MAX: variants seen among roughly 807,000 people sequenced by gnomAD.
The protein encoded by MAX is MYC associated transcriptional regulator X.
In MAX, 3 loss-of-function variants were observed where a neutral mutation model predicts 22.3. That is an observed-to-expected ratio of 0.13 (90% confidence interval 0.06 to 0.35). The LOEUF (loss-of-function observed/expected upper bound fraction) is 0.35. Ranked by LOEUF, MAX falls within the 10% of genes least tolerant of loss-of-function variation. The pLI is 1.00. For missense variants in MAX, 119 were observed against 209.4 expected (o/e 0.57, Z 2.66); for synonymous variants, 72 against 77.7 (o/e 0.93, Z 0.39).
chr14:65,023,640 T>G lies in MAX; in HGVS notation c.172-17356A>C, dbSNP rs2061926836. Among the ~76,000 whole-genome samples the G allele has an allele frequency of 6.6e-6, 1 of 152,232 alleles. No homozygotes were observed. The highest frequency in any genetic ancestry group is 1.5e-5 in the Non-Finnish European group (1 of 68,044). On this transcript the variant is annotated intron_variant, in intron 3 of 3. Coordinates refer to the MAX transcript ENST00000341653. The surrounding 1 kb of genome is among the most constrained non-coding windows in gnomAD (Gnocchi z 4.1). ...AGTTAGTTGTGGAGTACTTGAAATGTGTCTTGTGTGACTGAAGAGCTGAAT... is the reference window on the plus strand; with the variant it reads ...AGTTAGTTGTGGAGTACTTGAAATGGGTCTTGTGTGACTGAAGAGCTGAAT...
chr14:65,060,123 G>A (rs561251898), intron 3 of MAX, among the ~76,000 whole-genome samples: 3 of 151,312 alleles, frequency 2.0e-5, no homozygotes, highest in Non-Finnish European at 2.9e-5. Context: ...ATGAGCCACC[G>A]CGTCCGGCCC....
chr14:65,084,915 G>C lies in MAX; in HGVS notation c.172-6879C>G, dbSNP rs2063289569. On this transcript the variant is annotated intron_variant, in intron 3 of 4. Transcript: ENST00000358664. The surrounding 1 kb of genome is among the most constrained non-coding windows in gnomAD (Gnocchi z 4.3). ...CTTTTGGGGAGAAAAAAAGGAGGCA[G>C]GTTTCTTTTCACATCCACTTTAAGA... Among the ~76,000 whole-genome samples, 1 of 152,056 alleles carries C rather than the reference G, an allele frequency of 6.6e-6. No homozygotes were observed. The highest frequency in any genetic ancestry group is 2.4e-5 in the African/African-American group (1 of 41,386).
At chr14:65,068,599 T>C (rs1234622513) in intron 3 of MAX, among the ~76,000 whole-genome samples, 3 of 152,244 alleles carry the variant, frequency 2.0e-5, no homozygotes, top group African/African-American at 7.2e-5. Context: ...GTTCCAATGC[T>C]ACATTATTTA....
At chr14:65,100,498 T>G (rs1006297308) in intron 2 of MAX, among the ~76,000 whole-genome samples, 10 of 152,160 alleles carry the variant, frequency 6.6e-5, no homozygotes, top group Non-Finnish European at 1.5e-4. Flanking sequence ...CTGGCAATAC[T>G]GACCCTTCAC....
rs773076374 is a variant in MAX at position 65,029,525 on chromosome 14, C to A, written c.172-23241G>T. ...TCCAGTGTATTGTAAAAAATCAAAT[C>A]ACAGTGAACTCATAGCAAGCACTAT... On this transcript the variant is annotated intron_variant, in intron 3 of 3. Transcript: ENST00000341653. The surrounding 1 kb of genome is among the most constrained non-coding windows in gnomAD (Gnocchi z 4.7). 3.3e-5 allele frequency among the ~76,000 whole-genome samples: 5 copies of A among 152,190 alleles called. No individual in the cohort carries two copies. Among genetic ancestry groups the A allele is most frequent in the Non-Finnish European group, 7.3e-5 (5 of 68,036 alleles).
At chr14:65,065,632 C>G (rs899094595) in intron 3 of MAX, among the ~76,000 whole-genome samples, 1 of 152,164 alleles carries the variant, frequency 6.6e-6, no homozygotes, top group Admixed American at 6.5e-5. Context: ...AGTAAAAATA[C>G]AGTATTATGA....
intron 3 of MAX, among the ~76,000 whole-genome samples, chr14:65,049,796 C>T (rs1023633731): frequency 6.6e-6 from 1 of 151,936 alleles, no homozygotes; most frequent in Non-Finnish European, 1.5e-5. Context: ...TAAATAATAG[C>T]TTTGTTGAGA....
intron 3 of MAX, among the ~76,000 whole-genome samples, chr14:65,059,245 A>G (rs2062808712): frequency 6.7e-6 from 1 of 149,592 alleles, no homozygotes; most frequent in Non-Finnish European, 1.5e-5. Flanking sequence ...CTGGTCTTGA[A>G]CTCTTGGCCT....
rs2061928413 is a variant in MAX at position 65,023,718 on chromosome 14, C to G, written c.172-17434G>C. Among the ~76,000 whole-genome samples, 1 of 152,024 alleles carries G rather than the reference C, an allele frequency of 6.6e-6. No homozygotes were observed. The highest frequency in any genetic ancestry group is 1.5e-5 in the Non-Finnish European group (1 of 67,970). ...AATTGCCTCATGTGGCTAGTGGCTG[C>G]CTATTGGACAGCACAGATGTATCTC... On this transcript the variant is annotated intron_variant, in intron 3 of 3. Transcript: ENST00000341653. This position sits in a 1 kb window ranked among gnomAD's most constrained non-coding sequence, Gnocchi z 4.1.
Position 65,089,770 on chromosome 14 carries a change from A to T in MAX, c.171+3938T>A, listed in dbSNP as rs1279788969. On this transcript the variant is annotated intron_variant, in intron 3 of 4. Transcript: ENST00000358664. ...TAGCATCTCTGTAAAAAAAAAAAAA[A>T]AAAAAAAAAAAAAAAAAAAAAAAAA... The T allele has an allele frequency of 2.2e-3, 99 of 45,752 alleles. 1 individual carries two copies. The highest frequency in any genetic ancestry group is 0.011 in the African/African-American group (90 of 7,842). 2.8% of individuals were successfully genotyped at this position (45,752 alleles called of 1,614,324 possible).
At position 65,031,810 on chromosome 14, in the gene MAX, A is replaced by G. The variant is rs1293495861; in HGVS notation, c.172-25526T>C. On this transcript the variant is annotated intron_variant, in intron 3 of 3. Transcript: ENST00000341653. The surrounding 1 kb of genome is among the most constrained non-coding windows in gnomAD (Gnocchi z 4.6). ...GTGGCATGCGCCTGTAATCCCAGCT[A>G]CTTGGGAGGCTGATACAGGAGAATT... Among the ~76,000 whole-genome samples, 1 of 152,074 alleles carries G rather than the reference A, an allele frequency of 6.6e-6. No individual in the cohort carries two copies. The highest frequency in any genetic ancestry group is 2.4e-5 in the African/African-American group (1 of 41,464).
rs533081728 is a variant in MAX, at chr14:65,028,467, G to A, written c.172-22183C>T. 6.6e-6 allele frequency among the ~76,000 whole-genome samples: 1 copy of A among 152,262 alleles called. No individual in the cohort carries two copies. The highest frequency in any genetic ancestry group is 6.5e-5 in the Admixed American group (1 of 15,290). ...TGCCATTTTCTTATTATTTAGTTGA[G>A]AAATACATTTTGTGAGGTTTCTATA... On this transcript the variant is annotated intron_variant, in intron 3 of 3. Coordinates refer to the MAX transcript ENST00000341653. The surrounding 1 kb of genome is among the most constrained non-coding windows in gnomAD (Gnocchi z 4.4).
chr14:65,077,304 T>G lies in MAX; in HGVS notation c.295+609A>C. 1.2e-5 allele frequency: 17 copies of G among 1,369,750 alleles called. No individual in the cohort carries two copies. The highest frequency in any genetic ancestry group is 1.8e-5 in the Non-Finnish European group (17 of 969,208). The allele number at this position is 1,369,750 out of a possible 1,614,324, so 84.8% of individuals were successfully genotyped here. On this transcript the variant is annotated intron_variant, in intron 4 of 4. Transcript: ENST00000358664. The surrounding 1 kb of genome is among the most constrained non-coding windows in gnomAD (Gnocchi z 6.3). ...GTCAACCCATTTAATTTATTTTATT[T>G]TATTTTATTTGAGGTTTTCTAACCC...
chr14:65,012,405 A>G lies in MAX; in HGVS notation c.172-6121T>C. ...TGCCTATGAGGTAAACACATTACCC[A>G]GGAACTCTTGCTGTCAAATTATCCA... On this transcript the variant is annotated intron_variant, in intron 3 of 3. Coordinates refer to the MAX transcript ENST00000341653. The surrounding 1 kb of genome is among the most constrained non-coding windows in gnomAD (Gnocchi z 5.0). The G allele has an allele frequency of 6.2e-7, 1 of 1,614,006 alleles. No individual in the cohort carries two copies. The highest frequency in any genetic ancestry group is 1.1e-5 in the South Asian group (1 of 91,076).
Position 65,018,900 on chromosome 14 carries a change from C to T in MAX, c.172-12616G>A, listed in dbSNP as rs182246621. On this transcript the variant is annotated intron_variant, in intron 3 of 3. Transcript: ENST00000341653. ...ACGAAGTGGGTGGATCACCTGAGGT[C>T]GGGAGTTTGAGACCAGCCTGGCCAA... 2.8e-3 allele frequency among the ~76,000 whole-genome samples: 421 copies of T among 151,638 alleles called. 3 individuals carry two copies. The highest frequency in any genetic ancestry group is 9.4e-3 in the African/African-American group (390 of 41,332).
chr14:65,041,024 G>T (rs1423832284), intron 3 of MAX: 3 of 1,521,020 alleles, frequency 2.0e-6, no homozygotes, highest in East Asian at 2.3e-5. Flanking sequence ...GAAGGGCTAA[G>T]AGAGTTAGCT....
At chr14:65,061,533 A>C in intron 3 of MAX, 1 of 655,126 alleles carries the variant, frequency 1.5e-6, no homozygotes, top group Non-Finnish European at 2.4e-6. Flanking sequence ...CCAAAAATCT[A>C]TCAGCCCACG....
In MAX at chr14:65,093,286, C is replaced by T. The variant is rs547076746; in HGVS notation, c.171+422G>A. Among the ~76,000 whole-genome samples the T allele has an allele frequency of 7.1e-6, 1 of 141,184 alleles. No individual in the cohort carries two copies. Among genetic ancestry groups the T allele is most frequent in the South Asian group, 2.3e-4 (1 of 4,332 alleles). 92.6% of individuals were successfully genotyped at this position (141,184 alleles called of 152,430 possible). A position where few individuals can be genotyped will look rare whatever the true frequency, so the allele number is the denominator to read the frequency against. ...TTTTTCACATACATTACACACATTT[C>T]TGCAAGTGCTCATTTACAATAAAGT... On this transcript the variant is annotated intron_variant, in intron 3 of 4. Transcript: ENST00000358664. This position sits in a 1 kb window ranked among gnomAD's most constrained non-coding sequence, Gnocchi z 4.4.
Position 65,027,115 on chromosome 14 carries a change from A to G in MAX, c.172-20831T>C, listed in dbSNP as rs2061997160. 6.6e-6 allele frequency among the ~76,000 whole-genome samples: 1 copy of G among 152,182 alleles called. No homozygotes were observed. The highest frequency in any genetic ancestry group is 2.4e-5 in the African/African-American group (1 of 41,440). On this transcript the variant is annotated intron_variant, in intron 3 of 3. Transcript: ENST00000341653. This position sits in a 1 kb window ranked among gnomAD's most constrained non-coding sequence, Gnocchi z 5.7. ...CTGGTACCACAGGTCCAGGGCAGCAAGTTGAGTGGAAAGTCTGGGAAAGGT... is the reference window on the plus strand; with the variant it reads ...CTGGTACCACAGGTCCAGGGCAGCAGGTTGAGTGGAAAGTCTGGGAAAGGT...
Sources: allele counts gnomAD v4.1 joint callset (sites outside exome capture counted in the v4.1 genomes callset), GRCh38; gene constraint gnomAD v4.1.1; non-coding constraint Gnocchi (gnomAD v3.1); transcripts MANE v1.5; gene names NCBI Gene and HGNC (gene_info 2026-07-23, HGNC 2026-07-21).